The following FN1 variants were observed in gnomAD, a reference collection of about 807,000 sequenced individuals.
FN1 encodes fibronectin.
FN1 carries 106 observed loss-of-function variants against 297.3 expected under a neutral mutation model. That is an observed-to-expected ratio of 0.36 (90% confidence interval 0.30 to 0.42). FN1 has a LOEUF of 0.42. Among genes scored for constraint, FN1 ranks in the 10% least tolerant of loss-of-function variants. FN1 has a pLI of 1.00. For missense variants in FN1, 2,690 were observed against 3,124.9 expected (o/e 0.86, Z 3.32); for synonymous variants, 1,149 against 1,152.6 (o/e 1.00, Z 0.06).
intron 42 of FN1, 165 bp downstream of exon 42, chr2:215,367,698 A>G: frequency 1.4e-6 from 1 of 735,274 alleles, no homozygotes; most frequent in Non-Finnish European, 2.3e-6. Flanking sequence ...ATTTCCCATC[A>G]TTTTTCTATG....
rs2059897005 is a variant in FN1, at chr2:215,393,106, G to A, written c.3894C>T (p.Tyr1298=). Residue 1298 remains tyrosine, a synonymous_variant, in exon 25 of 46, where the codon TAC becomes TAT. Coordinates refer to ENST00000354785, the MANE Select transcript of FN1 (RefSeq NM_212482.4). ...CTCCTGCCGCAACTACTGTGATGCG[G>A]TACCCAATAATGGTGGAAGAGTTTA... The part of the protein sequence containing the change: ...TPLNSSTIIG[Y]RITVVAAGEG... 6.2e-7 allele frequency: 1 copy of A among 1,613,994 alleles called. No individual in the cohort carries two copies. The highest frequency in any genetic ancestry group is 1.3e-5 in the African/African-American group (1 of 74,896).
chr2:215,376,817 G>A, intron 35 of FN1, 143 bp from the exon 36 acceptor site: 1 of 699,182 alleles, frequency 1.4e-6, no homozygotes. Flanking sequence ...TATCTCCTTT[G>A]GCATTCAGAG....
chr2:215,408,021 A>C (rs2062022645), intron 17 of FN1, 87 bp downstream of exon 17: 5 of 916,740 alleles, frequency 5.5e-6, no homozygotes, highest in Non-Finnish European at 9.0e-6. Context: ...TTAAAGTGAT[A>C]TGCAGGTCCG....
Position 215,433,497 on chromosome 2 carries a change from T to G in FN1, c.278-36A>C, listed in dbSNP as rs547505053. The G allele has an allele frequency of 5.0e-6, 8 of 1,602,216 alleles. No individual in the cohort carries two copies. In the African/African-American group the frequency reaches 6.7e-5, roughly 13 times the overall value. ...AAGGAAAGTCCATGTGAGCCTCACT[T>G]AGGTACAAGCTTTTCTAGTTCACTA... On this transcript the variant is annotated intron_variant, in intron 2 of 45. Transcript: ENST00000354785.
intron 5 of FN1, 105 bp downstream of exon 5, chr2:215,430,610 G>T: frequency 7.5e-7 from 1 of 1,325,714 alleles, no homozygotes; most frequent in Non-Finnish European, 1.1e-6. Flanking sequence ...ACCAAAGCAT[G>T]CTGATATACT....
chr2:215,400,483 G>A (rs1225867925), intron 20 of FN1, among the ~76,000 whole-genome samples: 1 of 151,964 alleles, frequency 6.6e-6, no homozygotes, highest in Non-Finnish European at 1.5e-5. Context: ...CAGGCGCAGT[G>A]GCTCATGCCT....
Position 215,430,740 on chromosome 2 carries a change from G to A in FN1, c.660C>T (p.Ser220=), listed in dbSNP as rs377037793. 27 of 1,613,788 alleles carry A rather than the reference G, an allele frequency of 1.7e-5. No individual in the cohort carries two copies. The highest frequency in any genetic ancestry group is 7.7e-5 in the South Asian group (7 of 91,076). ...MVDCTCLGEG[S]GRITCTSRNR... ...TTCTAGAAGTGCAAGTGATGCGTCC[G>A]CTGCCTTCTCCCAGGCAAGTACAAT... The change falls in exon 5 of 46, where the codon AGC becomes AGT. Residue 220 remains serine (S), a synonymous_variant. Coordinates refer to ENST00000354785, the MANE Select transcript of FN1 (RefSeq NM_212482.4).
intron 6 of FN1, among the ~76,000 whole-genome samples, chr2:215,426,431 A>T (rs2065442858): frequency 6.6e-6 from 1 of 152,116 alleles, no homozygotes; most frequent in African/African-American, 2.4e-5. Context: ...TACAGGCGTG[A>T]GCCACCGCGC....
At chr2:215,368,429 C>T (rs1409703205) in intron 41 of FN1, among the ~76,000 whole-genome samples, 1 of 152,150 alleles carries the variant, frequency 6.6e-6, no homozygotes, top group Non-Finnish European at 1.5e-5. Flanking sequence ...TGCCTTGCTT[C>T]CCTCATCTGC....
At chr2:215,378,088 A>G (rs2106320614) in intron 35 of FN1, 87 bp downstream of exon 35, 5 of 878,402 alleles carry the variant, frequency 5.7e-6, no homozygotes, top group Middle Eastern at 2.7e-4. Flanking sequence ...GATTTTAGAC[A>G]TGAGCCACTG....
intron 22 of FN1, 22 bp from the exon 23 acceptor site, chr2:215,397,245 A>G: frequency 6.4e-7 from 1 of 1,570,020 alleles, no homozygotes; most frequent in Non-Finnish European, 8.8e-7. Context: ...GAACATTTTA[A>G]AAGTCAAAGC....
intron 39 of FN1, 26 bp downstream of exon 39, chr2:215,373,289 TCTTTCTC>T: frequency 6.5e-7 from 1 of 1,537,218 alleles, no homozygotes; most frequent in South Asian, 1.1e-5. Flanking sequence ...TTTTGTCCTA[TCTTTCTC>T]CTTGTTACCT....
intron 40 of FN1, among the ~76,000 whole-genome samples, chr2:215,370,700 C>T (rs2055830555): frequency 6.6e-6 from 1 of 152,132 alleles, no homozygotes; most frequent in African/African-American, 2.4e-5. Flanking sequence ...CTCGACAATA[C>T]TAGAGACGGC....
intron 14 of FN1, 25 bp downstream of exon 14, chr2:215,409,909 G>A: frequency 6.2e-7 from 1 of 1,613,264 alleles, no homozygotes; most frequent in Non-Finnish European, 8.5e-7. Context: ...GGGGGTAGGA[G>A]GCATGAGGGT....
At chr2:215,396,068 C>T (rs1197138882) in intron 23 of FN1, among the ~76,000 whole-genome samples, 3 of 152,184 alleles carry the variant, frequency 2.0e-5, no homozygotes, top group African/African-American at 7.2e-5. Flanking sequence ...TGTTTGCATA[C>T]ATTAATCAGA....
In FN1 at chr2:215,379,110, G is replaced by T; in HGVS notation, c.5622+20C>A. On this transcript the variant is annotated intron_variant, in intron 34 of 45. Coordinates refer to ENST00000354785, the MANE Select transcript of FN1 (RefSeq NM_212482.4). ...AGATGATCTCCATCTTTATTCCAATGAACAACGGTCATGTCTTACCATAAG... is the reference window on the plus strand; with the variant it reads ...AGATGATCTCCATCTTTATTCCAATTAACAACGGTCATGTCTTACCATAAG... 2 of 1,609,676 alleles carry T rather than the reference G, an allele frequency of 1.2e-6. No homozygotes were observed. Among genetic ancestry groups the T allele is most frequent in the Non-Finnish European group, 1.7e-6 (2 of 1,176,062 alleles).
In FN1 at chr2:215,409,618, C is replaced by T. The variant is rs760287619; in HGVS notation, c.2244G>A (p.Ser748=). The T allele has an allele frequency of 6.2e-5, 100 of 1,613,950 alleles. No homozygotes were observed. The highest frequency in any genetic ancestry group is 7.8e-5 in the Non-Finnish European group (92 of 1,180,018). The stretch of plus-strand genomic sequence containing the variant: ...TCAGCTCATATTCCACCCGGAATCC[C>T]GACACGGTGTCGGAAGCTGAGACCC... ...VSWVSASDTV[S]GFRVEYELSE... is the part of the protein sequence containing the mutation. Residue 748 remains serine, a synonymous_variant, in exon 15 of 46, where the codon TCG becomes TCA. Transcript: ENST00000354785.
intron 24 of FN1, chr2:215,393,444 A>T (rs1003420311): frequency 1.5e-4 from 27 of 176,138 alleles, no homozygotes; most frequent in African/African-American, 5.0e-4. Flanking sequence ...ATATATATAT[A>T]TTTTTTACAT....
Position 215,408,360 on chromosome 2 carries a change from T to G in FN1, c.2366A>C (p.Asn789Thr), listed in dbSNP as rs1272387111. The G allele has an allele frequency of 1.2e-6, 2 of 1,614,016 alleles. No individual in the cohort carries two copies. The highest frequency in any genetic ancestry group is 3.3e-5 in the Admixed American group (2 of 60,020). ...DLLPGRKYIV[N>T]VYQISEDGEQ... Reference sequence around the variant, plus strand: ...CCCATCCTCAGATATCTGATAGACATTTACAATGTATTTTCGGCCAGGAAG... The same window carrying G: ...CCCATCCTCAGATATCTGATAGACAGTTACAATGTATTTTCGGCCAGGAAG... The change falls in exon 16 of 46, where the codon AAT becomes ACT. Residue 789 changes from asparagine (N) to threonine (T), a missense_variant. This residue lies in a region of FN1 where 876 missense variants were observed against 1,058.1 expected (regional missense o/e 0.83). Coordinates refer to ENST00000354785, the MANE Select transcript of FN1 (RefSeq NM_212482.4).
Sources: gnomAD v4.1 joint callset for allele counts (sites outside exome capture counted in the v4.1 genomes callset) on GRCh38, gnomAD v4.1.1 for gene constraint, gnomAD v4.1.1 regional missense constraint, MANE v1.5 for transcripts, NCBI Gene and HGNC (gene_info 2026-07-23, HGNC 2026-07-21) for gene names.